The following EFNA5 variants were observed in gnomAD, a reference collection of about 807,000 sequenced individuals.
EFNA5 encodes the protein ephrin A5.
A neutral mutation model predicts 22.9 loss-of-function variants in EFNA5; 5 were observed. That is an observed-to-expected ratio of 0.22 (90% CI 0.11 to 0.46). The LOEUF (loss-of-function observed/expected upper bound fraction) is 0.46, where lower values mean the gene tolerates loss of function less well. Among genes scored for constraint, EFNA5 ranks in the 20% least tolerant of loss-of-function variants. The pLI, the probability that EFNA5 is intolerant of heterozygous loss-of-function variation, is 0.99. For synonymous variants in EFNA5, 113 were observed against 112.2 expected (o/e 1.01, Z -0.04); for missense variants, 237 against 293.3 (o/e 0.81, Z 1.40).
At chr5:107,601,424 C>CTG (rs397725329) in intron 1 of EFNA5, among the ~76,000 whole-genome samples, 2 of 151,652 alleles carry the variant, frequency 1.3e-5, no homozygotes, top group Non-Finnish European at 2.9e-5. Flanking sequence ...GCACCATCTT[C>CTG]AGGACTGTAG....
intron 1 of EFNA5, among the ~76,000 whole-genome samples, chr5:107,546,693 C>T (rs440215): frequency 0.54 from 82,318 of 151,144 alleles, 22,416 homozygotes; most frequent in East Asian, 0.68. Context: ...CACACTCTCA[C>T]CCCTGGTGTA....
chr5:107,460,985 CAA>C (rs1235856792), intron 1 of EFNA5, among the ~76,000 whole-genome samples: 1 of 152,040 alleles, frequency 6.6e-6, no homozygotes, highest in Non-Finnish European at 1.5e-5. Context: ...CTATCAAAAC[CAA>C]AGAGAACAAT....
intron 1 of EFNA5, among the ~76,000 whole-genome samples, chr5:107,611,045 A>C (rs1468979265): frequency 6.6e-6 from 1 of 152,186 alleles, no homozygotes; most frequent in Non-Finnish European, 1.5e-5. Flanking sequence ...ATTCCCAATG[A>C]TATTCTGTCT....
At chr5:107,450,195 T>G (rs1451355936) in intron 1 of EFNA5, among the ~76,000 whole-genome samples, 1 of 152,080 alleles carries the variant, frequency 6.6e-6, no homozygotes, top group Non-Finnish European at 1.5e-5. Context: ...CACACAAAAA[T>G]TTTTTGGTCA....
intron 1 of EFNA5, among the ~76,000 whole-genome samples, chr5:107,617,954 G>T (rs1749957691): frequency 6.6e-6 from 1 of 151,974 alleles, no homozygotes; most frequent in Non-Finnish European, 1.5e-5. Flanking sequence ...TAGAAGCCCA[G>T]GCACAGGAGA....
At chr5:107,655,592 T>C (rs1476797545) in intron 1 of EFNA5, among the ~76,000 whole-genome samples, 11 of 152,110 alleles carry the variant, frequency 7.2e-5, no homozygotes, top group Non-Finnish European at 1.3e-4. Context: ...TGAATTACTT[T>C]TTCCTGGCAT....
intron 1 of EFNA5, among the ~76,000 whole-genome samples, chr5:107,444,686 C>G (rs1347138371): frequency 2.6e-5 from 4 of 152,160 alleles, no homozygotes; most frequent in African/African-American, 7.2e-5. Context: ...GTAAGCACAG[C>G]TGCTACATGT....
intron 1 of EFNA5, among the ~76,000 whole-genome samples, chr5:107,609,287 C>T (rs1251089281): frequency 6.6e-6 from 1 of 152,134 alleles, no homozygotes; most frequent in Non-Finnish European, 1.5e-5. Context: ...GAAACAAAAG[C>T]AATGAGAATT....
chr5:107,472,861 T>C (rs73777868), intron 1 of EFNA5, among the ~76,000 whole-genome samples: 6,186 of 152,296 alleles, frequency 0.041, 429 homozygotes, highest in African/African-American at 0.14. Flanking sequence ...GTACTCACTG[T>C]TGAAATAAAG....
chr5:107,540,315 T>C (rs1748017915), intron 1 of EFNA5, among the ~76,000 whole-genome samples: 1 of 152,180 alleles, frequency 6.6e-6, no homozygotes, highest in African/African-American at 2.4e-5. Context: ...TGAGAATGCA[T>C]GACAAAACCT....
chr5:107,665,019 T>G lies in EFNA5; in HGVS notation c.125+5470A>C, dbSNP rs774210433. 3.2e-4 allele frequency among the ~76,000 whole-genome samples: 48 copies of G among 152,274 alleles called. 1 individual carries two copies. The highest frequency in any genetic ancestry group is 6.2e-4 in the South Asian group (3 of 4,824). ...AATTTATATTGAAAACACAAACCAA[T>G]AAGCCACTAGACCAAATGCTACCCA... On this transcript the variant is annotated intron_variant, in intron 1 of 4. Transcript: ENST00000333274.
At chr5:107,661,633 G>C (rs971351606) in intron 1 of EFNA5, among the ~76,000 whole-genome samples, 2 of 152,242 alleles carry the variant, frequency 1.3e-5, no homozygotes, top group African/African-American at 4.8e-5. Context: ...CTAATTGTTA[G>C]ACACAAAAGA....
chr5:107,527,734 G>A (rs945029757), intron 1 of EFNA5, among the ~76,000 whole-genome samples: 2 of 152,092 alleles, frequency 1.3e-5, no homozygotes, highest in African/African-American at 4.8e-5. Context: ...TATTTCAGAT[G>A]CCCAACACCC....
At chr5:107,422,348 G>A (rs1481913887) in intron 2 of EFNA5, among the ~76,000 whole-genome samples, 2 of 152,226 alleles carry the variant, frequency 1.3e-5, no homozygotes, top group African/African-American at 4.8e-5. Context: ...AGCAGGAACA[G>A]CTGTGAACAA....
At chr5:107,547,357 G>A (rs879788079) in intron 1 of EFNA5, among the ~76,000 whole-genome samples, 5 of 152,108 alleles carry the variant, frequency 3.3e-5, no homozygotes, top group African/African-American at 7.2e-5. Context: ...TGGGTTTGCT[G>A]TTTTCCTTTA....
chr5:107,483,515 A>T lies in EFNA5; in HGVS notation c.126-56006T>A, dbSNP rs906365282. Among the ~76,000 whole-genome samples the T allele has an allele frequency of 2.0e-5, 3 of 152,192 alleles. No individual in the cohort carries two copies. In the South Asian group the frequency reaches 6.2e-4, roughly 31 times the overall value. The stretch of plus-strand genomic sequence containing the variant: ...GGTCCTCAAAGAATAGAGCCTGGAT[A>T]AATCTCCCCTCCAGTATTTTTATAG... On this transcript the variant is annotated intron_variant, in intron 1 of 4. Transcript: ENST00000333274.
rs554807948 is a variant in EFNA5, at chr5:107,387,315, T to G, written c.485A>C (p.Asn162Thr). 1 of 1,589,204 alleles carries G rather than the reference T, an allele frequency of 6.3e-7. No homozygotes were observed. Among genetic ancestry groups the G allele is most frequent in the South Asian group, 1.2e-5 (1 of 86,876 alleles). ...AACACCTATAGTTTTCATACAGCTA[T>G]CTATAACAAAAATAGAGATAACAGC... ...LKLKVFVRPT[N>T]SCMKTIGVHD... The change falls in exon 4 of 5, where the codon AAT becomes ACT. Residue 162 changes from asparagine to threonine, a missense_variant and splice_region_variant. By Grantham distance (65) the Asn-to-Thr change is moderately conservative. This residue lies in a region of EFNA5 where 104 missense variants were observed against 114.5 expected (regional missense o/e 0.91). Coordinates refer to ENST00000333274, the MANE Select transcript of EFNA5 (RefSeq NM_001962.3).
chr5:107,578,800 A>C lies in EFNA5; in HGVS notation c.125+91689T>G, dbSNP rs141314245. On this transcript the variant is annotated intron_variant, in intron 1 of 4. Transcript: ENST00000333274. ...AACATGATTCGCAAAAGGAAATGAC[A>C]CTGCTGTCTGAAATTAAAAGGGAGC... Among the ~76,000 whole-genome samples the C allele has an allele frequency of 1.4e-3, 212 of 152,312 alleles. 1 individual carries two copies. Among genetic ancestry groups the C allele is most frequent in the African/African-American group, 4.8e-3 (199 of 41,566 alleles).
intron 1 of EFNA5, among the ~76,000 whole-genome samples, chr5:107,461,224 A>T (rs1459775930): frequency 2.0e-5 from 3 of 152,232 alleles, no homozygotes; most frequent in African/African-American, 4.8e-5. Flanking sequence ...TTTTCCTAAA[A>T]AAGAGAGACT....
Sources: allele counts gnomAD v4.1 joint callset (sites outside exome capture counted in the v4.1 genomes callset), GRCh38; gene constraint gnomAD v4.1.1; regional missense constraint gnomAD v4.1.1; transcripts MANE v1.5; gene names NCBI Gene and HGNC (gene_info 2026-07-23, HGNC 2026-07-21).